Variants in DYNC2LI1 observed in about 807,000 individuals in gnomAD.
DYNC2LI1 encodes cytoplasmic dynein 2 light intermediate chain 1.
A neutral mutation model predicts 51.9 loss-of-function variants in DYNC2LI1; 45 were observed. The ratio of observed to expected loss-of-function variants is 0.87; its 90% CI spans 0.68 to 1.11. DYNC2LI1 has a LOEUF of 1.11. DYNC2LI1 is among the 50% of genes most tolerant of loss of function. The pLI, the probability that DYNC2LI1 is intolerant of heterozygous loss-of-function variation, is 0.00. For missense variants in DYNC2LI1, 490 were observed against 417.4 expected (o/e 1.17, Z -1.51); for synonymous variants, 130 against 137.8 (o/e 0.94, Z 0.40).
In DYNC2LI1 at chr2:43,796,746, T is replaced by C. The variant is rs1163775471; in HGVS notation, c.605T>C (p.Ile202Thr). The change falls in exon 8 of 13, where the codon ATA becomes ACA. Residue 202 changes from isoleucine to threonine, a missense_variant. Coordinates refer to ENST00000260605, the MANE Select transcript of DYNC2LI1 (RefSeq NM_016008.4). Reference protein sequence around the residue: ...QDFESEKRKVICKTLRFVAHY... With the variant: ...QDFESEKRKVTCKTLRFVAHY... The stretch of plus-strand genomic sequence containing the variant: ...TTTGAGTCTGAGAAGAGAAAGGTAA[T>C]ATGCAAGACACTTCGATTTGTTGCA... 3 of 1,613,342 alleles carry C rather than the reference T, an allele frequency of 1.9e-6. No individual in the cohort carries two copies. Among genetic ancestry groups the C allele is most frequent in the Admixed American group, 1.7e-5 (1 of 59,974 alleles).
At chr2:43,813,963 A>C (rs536207882), downstream of DYNC2LI1, among the ~76,000 whole-genome samples, 2 of 151,508 alleles carry the variant, frequency 1.3e-5, no homozygotes, top group Admixed American at 6.6e-5. Context: ...AAGTGATCCA[A>C]CCTCCGACTC....
At chr2:43,804,230 A>G (rs1403765809) in intron 10 of DYNC2LI1, among the ~76,000 whole-genome samples, 9 of 152,184 alleles carry the variant, frequency 5.9e-5, no homozygotes, top group Admixed American at 5.9e-4. Context: ...TAATTAATGC[A>G]CTGTTCACCA....
In DYNC2LI1 at chr2:43,787,183, A is replaced by T; in HGVS notation, c.164A>T (p.Asp55Val). 1 of 1,612,182 alleles carries T rather than the reference A, an allele frequency of 6.2e-7. No individual in the cohort carries two copies. The highest frequency in any genetic ancestry group is 8.5e-7 in the Non-Finnish European group (1 of 1,178,504). ...TTIILRCLDR[D>V]EPPKPTLALE... ...TACTATCGGCCTTTATTATACAGAGATGAACCACCAAAACCAACCTTAGCT... is the reference window on the plus strand; with the variant it reads ...TACTATCGGCCTTTATTATACAGAGTTGAACCACCAAAACCAACCTTAGCT... The change falls in exon 4 of 13, where the codon GAT (aspartate) becomes GTT (valine). Residue 55 changes from aspartate to valine, a missense_variant and splice_region_variant. Transcript: ENST00000260605.
chr2:43,803,064 G>A (rs909449095), intron 10 of DYNC2LI1, among the ~76,000 whole-genome samples: 1 of 152,132 alleles, frequency 6.6e-6, no homozygotes, highest in Admixed American at 6.5e-5. Flanking sequence ...TCATACATTG[G>A]TGGTGGGAGT....
chr2:43,820,040 G>T, the DYNC2LI1 span: 1 of 1,614,122 alleles, frequency 6.2e-7, no homozygotes, highest in African/African-American at 1.3e-5. Context: ...TTAAGTGGGG[G>T]GCCAAGAGAG....
chr2:43,788,538 T>C (rs1214603029), intron 4 of DYNC2LI1, among the ~76,000 whole-genome samples: 3 of 152,304 alleles, frequency 2.0e-5, no homozygotes, highest in East Asian at 1.9e-4. Context: ...ACCTGAAGTG[T>C]CTTCAGTGTC....
At chr2:43,795,233 C>T (rs558932254) in intron 6 of DYNC2LI1, 54 of 978,112 alleles carry the variant, frequency 5.5e-5, no homozygotes, top group African/African-American at 4.0e-4. Context: ...TAGCAGGGTG[C>T]GATGGCTCAT....
the DYNC2LI1 span, chr2:43,828,020 G>GC: frequency 1.2e-6 from 2 of 1,614,126 alleles, no homozygotes; most frequent in Non-Finnish European, 1.7e-6. Context: ...TGGAGACCCG[G>GC]CGCCGCTCAC....
chr2:43,823,056 C>G, the DYNC2LI1 span: 1 of 1,388,122 alleles, frequency 7.2e-7, no homozygotes, highest in Admixed American at 2.0e-5. Context: ...TAGGGGGGTT[C>G]CCTAGTCATA....
At chr2:43,778,288 G>T (rs192882559) in intron 2 of DYNC2LI1, among the ~76,000 whole-genome samples, 1 of 152,032 alleles carries the variant, frequency 6.6e-6, no homozygotes, top group Admixed American at 6.6e-5. Context: ...AAGTAGCTGG[G>T]ATTACAGGCA....
the DYNC2LI1 span, among the ~76,000 whole-genome samples, chr2:43,825,717 C>T: frequency 6.6e-6 from 1 of 151,530 alleles, no homozygotes; most frequent in African/African-American, 2.4e-5. Flanking sequence ...AGCGATTCTC[C>T]TGCCTCAGCT....
intron 8 of DYNC2LI1, among the ~76,000 whole-genome samples, chr2:43,797,140 C>CT (rs1665893378): frequency 6.6e-6 from 1 of 152,156 alleles, no homozygotes; most frequent in Non-Finnish European, 1.5e-5. Context: ...AAAATCAACT[C>CT]TATCAGTGTG....
At chr2:43,792,065 AATCATAGTTGAAACACAACCAT>A (rs1673817878) in intron 5 of DYNC2LI1, among the ~76,000 whole-genome samples, 1 of 152,154 alleles carries the variant, frequency 6.6e-6, no homozygotes, top group African/African-American at 2.4e-5. Context: ...AAAAATGTTA[AATCATAGTTGAAACACAACCAT>A]ACCAAAACCC....
the DYNC2LI1 span, chr2:43,824,488 A>G: frequency 7.5e-6 from 12 of 1,604,166 alleles, no homozygotes; most frequent in South Asian, 4.4e-5. Context: ...ATGTATGTAC[A>G]TGGATATACA....
At chr2:43,800,576 G>A (rs1231598974) in intron 8 of DYNC2LI1, among the ~76,000 whole-genome samples, 1 of 152,012 alleles carries the variant, frequency 6.6e-6, no homozygotes, top group Non-Finnish European at 1.5e-5. Context: ...AGTGATTATG[G>A]TCCATTTGTG....
intron 3 of DYNC2LI1, among the ~76,000 whole-genome samples, chr2:43,784,595 G>A (rs996594411): frequency 3.3e-5 from 5 of 151,876 alleles, no homozygotes; most frequent in South Asian, 4.2e-4. Context: ...CCACCACGCC[G>A]AGCTAATTTT....
downstream of DYNC2LI1, chr2:43,810,483 C>T (rs1666444318): frequency 1.0e-6 from 1 of 985,352 alleles, no homozygotes; most frequent in Non-Finnish European, 1.2e-6. Context: ...GAAGCCATTC[C>T]AATCTGTAGA....
chr2:43,801,750 G>A (rs775122839), intron 10 of DYNC2LI1, 41 bp downstream of exon 10: 3 of 1,484,434 alleles, frequency 2.0e-6, no homozygotes, highest in South Asian at 2.4e-5. Context: ...TTTTTTAATT[G>A]CTTATTGATT....
the DYNC2LI1 span, chr2:43,820,060 A>G: frequency 6.2e-7 from 1 of 1,614,186 alleles, no homozygotes; most frequent in Non-Finnish European, 8.5e-7. Context: ...GCAGCAGAAA[A>G]ATATCCAAAT....
Sources: allele counts gnomAD v4.1 joint callset (sites outside exome capture counted in the v4.1 genomes callset), GRCh38; gene constraint gnomAD v4.1.1; transcripts MANE v1.5; gene names NCBI Gene and HGNC (gene_info 2026-07-23, HGNC 2026-07-21).